The following CEACAM3 variants were observed in gnomAD, a reference collection of about 807,000 sequenced individuals.
CEACAM3 encodes the protein CEA cell adhesion molecule 3.
In CEACAM3, 32 loss-of-function variants were observed where a neutral mutation model predicts 30.1. The observed-to-expected ratio is 1.06, with a 90% CI of 0.80 to 1.43. The LOEUF (loss-of-function observed/expected upper bound fraction) is 1.43. CEACAM3 is among the 40% of genes most tolerant of loss of function. The pLI is 0.00. For missense variants in CEACAM3, 290 were observed against 316.3 expected, an observed-to-expected ratio of 0.92 and a Z score of 0.63; for synonymous variants, 134 against 127.2, an observed-to-expected ratio of 1.05 and a Z score of -0.36.
chr19:41,809,979 G>C lies in CEACAM3; in HGVS notation c.557G>C (p.Arg186Pro). The C allele has an allele frequency of 6.2e-7, 1 of 1,613,862 alleles. No homozygotes were observed. ...ACCTTTCCTAGAACCAGCATCCAGC[G>C]TGACCTCAAGGAGCAGCAGCCCCAA... The part of the protein sequence containing the change: ...LAKTGRTSIQ[R>P]DLKEQQPQAL... The change falls in exon 4 of 7, where the codon CGT becomes CCT. Residue 186 changes from arginine (R) to proline (P), a missense_variant. Coordinates refer to ENST00000357396, the MANE Select transcript of CEACAM3 (RefSeq NM_001815.5).
intron 2 of CEACAM3, 111 bp downstream of exon 2, chr19:41,798,059 CA>C: frequency 6.6e-7 from 1 of 1,507,986 alleles, no homozygotes; most frequent in Non-Finnish European, 8.9e-7. Context: ...CATTCTGTAT[CA>C]GGGTTTGGAC....
rs2073104896 is a variant in CEACAM3 at position 41,796,683 on chromosome 19, G to A, written c.6G>A (p.Gly2=). The A allele has an allele frequency of 3.7e-6, 6 of 1,614,102 alleles. No homozygotes were observed. The highest frequency in any genetic ancestry group is 3.3e-4 in the Middle Eastern group (2 of 6,062). M[G]PPSASPHREC... ...AAGAGCAGGCAGCAGAGACCATGGG[G>A]CCCCCCTCAGCCTCTCCCCACAGAG... The change falls in exon 1 of 7, where the codon GGG becomes GGA. Residue 2 remains glycine (G), a synonymous_variant. Transcript: ENST00000357396.
intron 2 of CEACAM3, chr19:41,807,478 C>A: frequency 7.2e-7 from 1 of 1,390,598 alleles, no homozygotes; most frequent in Non-Finnish European, 9.6e-7. Flanking sequence ...AGTCCAGGGA[C>A]TCAGACTCTC....
chr19:41,800,987 TC>T (rs1395463551), intron 2 of CEACAM3, among the ~76,000 whole-genome samples: 1 of 152,092 alleles, frequency 6.6e-6, no homozygotes, highest in African/African-American at 2.4e-5. Context: ...GTGGGGCTGG[TC>T]CCTACACTGG....
intron 6 of CEACAM3, 29 bp downstream of exon 6, chr19:41,810,926 C>T: frequency 6.3e-7 from 1 of 1,597,732 alleles, no homozygotes; most frequent in Non-Finnish European, 8.6e-7. Context: ...TGTTCTGGTC[C>T]CACAGGCCCC....
rs1027409755 is a variant in CEACAM3 at position 41,804,610 on chromosome 19, C to T, written c.425-4203C>T. ...CTTTCCCTCTGACCAGTTCTGTCTT[C>T]CTAACAGGACTCACAATTCTCTCTC... On this transcript the variant is annotated intron_variant, in intron 2 of 6. Coordinates refer to ENST00000357396, the MANE Select transcript of CEACAM3 (RefSeq NM_001815.5). Among the ~76,000 whole-genome samples, 4 of 152,162 alleles carry T rather than the reference C, an allele frequency of 2.6e-5. No individual in the cohort carries two copies. The South Asian group carries it at 8.3e-4, about 32-fold the overall frequency.
At chr19:41,809,664 G>A in intron 3 of CEACAM3, 1 of 299,936 alleles carries the variant, frequency 3.3e-6, no homozygotes, top group East Asian at 6.9e-5. Context: ...TTCCTCTCAG[G>A]CAAACCCTCG....
intron 5 of CEACAM3, 49 bp from the exon 6 acceptor site, chr19:41,810,783 C>T (rs1038783425): frequency 6.7e-7 from 1 of 1,485,948 alleles, no homozygotes; most frequent in Non-Finnish European, 9.4e-7. Flanking sequence ...CAATCAGAGA[C>T]AGGAAACTTC....
At chr19:41,799,292 T>C (rs2073128322) in intron 2 of CEACAM3, among the ~76,000 whole-genome samples, 1 of 152,076 alleles carries the variant, frequency 6.6e-6, no homozygotes, top group African/African-American at 2.4e-5. Context: ...ACAGGAGATC[T>C]GGTTCTTTAA....
At chr19:41,799,428 G>C (rs562820657) in intron 2 of CEACAM3, among the ~76,000 whole-genome samples, 2 of 152,246 alleles carry the variant, frequency 1.3e-5, no homozygotes, top group South Asian at 4.2e-4. Context: ...GCAGACGCTG[G>C]TGCCATGCCT....
chr19:41,798,323 C>T (rs1315973691), intron 2 of CEACAM3, among the ~76,000 whole-genome samples: 2 of 152,140 alleles, frequency 1.3e-5, no homozygotes, highest in Non-Finnish European at 2.9e-5. Flanking sequence ...TCAACTCTTC[C>T]CAGAACTGAG....
At chr19:41,804,081 CAA>C (rs560733370) in intron 2 of CEACAM3, among the ~76,000 whole-genome samples, 11 of 120,122 alleles carry the variant, frequency 9.2e-5, no homozygotes, top group African/African-American at 1.2e-4. Flanking sequence ...AACTCTGCCT[CAA>C]AAAAAAAAAA....
chr19:41,801,590 G>GC (rs1177900037), intron 2 of CEACAM3, among the ~76,000 whole-genome samples: 1 of 152,218 alleles, frequency 6.6e-6, no homozygotes, highest in Non-Finnish European at 1.5e-5. Context: ...CTCCCTGGAG[G>GC]CTTGAGATTA....
rs1391409898 is a variant in CEACAM3, at chr19:41,811,298, G to C, written c.*61G>C. On this transcript the variant is annotated 3_prime_UTR_variant, in exon 7 of 7. Coordinates refer to ENST00000357396, the MANE Select transcript of CEACAM3 (RefSeq NM_001815.5). ...AGTCCCCAAGGCCCCCAGCCCTGGG[G>C]ATGGGGAAGGACATGAAGCCTGAGC... The C allele has an allele frequency of 7.1e-7, 1 of 1,412,550 alleles. No homozygotes were observed. The highest frequency in any genetic ancestry group is 2.3e-5 in the East Asian group (1 of 43,854). 87.5% of individuals were successfully genotyped at this position (1,412,550 alleles called of 1,614,324 possible). A position where few individuals can be genotyped will look rare whatever the true frequency, so the allele number is the denominator to read the frequency against.
At chr19:41,798,525 A>G (rs2073122127) in intron 2 of CEACAM3, among the ~76,000 whole-genome samples, 2 of 152,230 alleles carry the variant, frequency 1.3e-5, no homozygotes, top group African/African-American at 4.8e-5. Context: ...TCTCCTGGGC[A>G]AGGACAGGGC....
intron 2 of CEACAM3, among the ~76,000 whole-genome samples, chr19:41,806,250 G>A (rs947034940): frequency 1.3e-5 from 2 of 152,054 alleles, no homozygotes; most frequent in Admixed American, 6.6e-5. Context: ...GGCTGGTCTC[G>A]AACTCCTGAC....
intron 2 of CEACAM3, among the ~76,000 whole-genome samples, chr19:41,806,210 T>A (rs571498164): frequency 6.6e-6 from 1 of 152,282 alleles, no homozygotes; most frequent in South Asian, 2.1e-4. Flanking sequence ...GTATTTTTAG[T>A]AGAGACTGGG....
chr19:41,810,596 G>A (rs1441901028), intron 5 of CEACAM3, among the ~76,000 whole-genome samples: 1 of 152,138 alleles, frequency 6.6e-6, no homozygotes, highest in Non-Finnish European at 1.5e-5. Context: ...TGCAGCAGGT[G>A]CAGAGTGGAC....
At chr19:41,803,568 G>T (rs1421471116) in intron 2 of CEACAM3, among the ~76,000 whole-genome samples, 2 of 151,584 alleles carry the variant, frequency 1.3e-5, no homozygotes, top group Non-Finnish European at 2.9e-5. Context: ...CTGGGTTCAC[G>T]CCATTCTCCT....
Sources: allele counts gnomAD v4.1 joint callset (sites outside exome capture counted in the v4.1 genomes callset), GRCh38; gene constraint gnomAD v4.1.1; transcripts MANE v1.5; gene names NCBI Gene and HGNC (gene_info 2026-07-23, HGNC 2026-07-21).